The following ADD2 variants were observed in gnomAD, a reference collection of about 807,000 sequenced individuals.
ADD2 encodes the protein beta-adducin.
A neutral mutation model predicts 83.0 loss-of-function variants in ADD2; 23 were observed. The observed-to-expected ratio is 0.28, with a 90% CI of 0.20 to 0.39. ADD2 has a LOEUF of 0.39. Ranked by LOEUF, ADD2 falls within the 10% of genes least tolerant of loss-of-function variation. ADD2 has a pLI of 1.00. For synonymous variants in ADD2, 375 were observed against 375.4 expected (o/e 1.00, Z 0.01); for missense variants, 758 against 944.9 (o/e 0.80, Z 2.59).
intron 1 of ADD2, among the ~76,000 whole-genome samples, chr2:70,765,196 T>C (rs1553385767): frequency 6.6e-6 from 1 of 151,610 alleles, no homozygotes; most frequent in Non-Finnish European, 1.5e-5. Flanking sequence ...CTACTAAAAA[T>C]GCAAAAATTA....
chr2:70,703,165 G>GAAAGA (rs1671692288), intron 4 of ADD2, among the ~76,000 whole-genome samples: 1 of 134,558 alleles, frequency 7.4e-6, no homozygotes, highest in African/African-American at 2.7e-5. Context: ...GAAAAGAAAA[G>GAAAGA]AAAGAAAAGA....
intron 13 of ADD2, chr2:70,675,205 T>C (rs1553367983): frequency 3.9e-6 from 4 of 1,015,180 alleles, no homozygotes; most frequent in African/African-American, 1.7e-5. Context: ...AAGCATAGCA[T>C]TGGCTCAAGC....
intron 1 of ADD2, among the ~76,000 whole-genome samples, chr2:70,754,092 T>C (rs1477499810): frequency 2.0e-5 from 3 of 152,248 alleles, no homozygotes; most frequent in Middle Eastern, 3.4e-3. Flanking sequence ...AAACACAAGA[T>C]GCCTCAAGGG....
chr2:70,715,150 T>C (rs372197297), intron 1 of ADD2, among the ~76,000 whole-genome samples: 82 of 151,964 alleles, frequency 5.4e-4, no homozygotes, highest in African/African-American at 1.9e-3. Flanking sequence ...GATTGGGGAG[T>C]TGGGCTGAGC....
At chr2:70,702,714 C>T (rs1553373651) in intron 4 of ADD2, among the ~76,000 whole-genome samples, 1 of 143,992 alleles carries the variant, frequency 6.9e-6, no homozygotes, top group African/African-American at 2.7e-5. Flanking sequence ...AAAAAAAAAG[C>T]AATATATTTG....
intron 1 of ADD2, among the ~76,000 whole-genome samples, chr2:70,765,164 C>T (rs1574339214): frequency 6.6e-6 from 1 of 151,974 alleles, no homozygotes; most frequent in African/African-American, 2.4e-5. Context: ...ACCAGCCTGG[C>T]CAACATGGCG....
chr2:70,754,453 CTCTA>C (rs2104539715), intron 1 of ADD2, among the ~76,000 whole-genome samples: 1 of 152,118 alleles, frequency 6.6e-6, no homozygotes, highest in African/African-American at 2.4e-5. Context: ...CTATAGTCAC[CTCTA>C]TCTATTTCCA....
intron 10 of ADD2, among the ~76,000 whole-genome samples, chr2:70,683,321 C>G (rs1553369881): frequency 6.6e-6 from 1 of 152,156 alleles, no homozygotes; most frequent in East Asian, 1.9e-4. Flanking sequence ...GCCACTGCGC[C>G]CGGCCTGGAC....
At chr2:70,699,636 C>G (rs1256901611) in intron 4 of ADD2, among the ~76,000 whole-genome samples, 1 of 152,054 alleles carries the variant, frequency 6.6e-6, no homozygotes, top group Non-Finnish European at 1.5e-5. Context: ...TAAAATTGCC[C>G]AGGCATGGTG....
chr2:70,705,989 C>T (rs782586834), intron 3 of ADD2, among the ~76,000 whole-genome samples: 4 of 152,158 alleles, frequency 2.6e-5, no homozygotes, highest in African/African-American at 4.8e-5. Flanking sequence ...CTCCTGTCTC[C>T]GTCCCACCTC....
At chr2:70,741,568 T>G (rs143204094) in intron 1 of ADD2, among the ~76,000 whole-genome samples, 1 of 152,338 alleles carries the variant, frequency 6.6e-6, no homozygotes, top group East Asian at 1.9e-4. Flanking sequence ...CCCCACCACA[T>G]TCCAGGTCAG....
chr2:70,737,475 A>T (rs1673634476), intron 1 of ADD2, among the ~76,000 whole-genome samples: 1 of 151,380 alleles, frequency 6.6e-6, no homozygotes, highest in African/African-American at 2.4e-5. Context: ...TATCGCAAGG[A>T]CAAAAAACCA....
chr2:70,694,985 G>A (rs555935395), intron 6 of ADD2, among the ~76,000 whole-genome samples: 92 of 152,094 alleles, frequency 6.0e-4, no homozygotes, highest in African/African-American at 2.0e-3. Flanking sequence ...CCCTCCCTGG[G>A]CACCAGTTTC....
chr2:70,724,767 G>A (rs1259875564), intron 1 of ADD2, among the ~76,000 whole-genome samples: 1 of 152,252 alleles, frequency 6.6e-6, no homozygotes, highest in African/African-American at 2.4e-5. Flanking sequence ...CCACTCAGTG[G>A]TGAGGGAGAT....
intron 4 of ADD2, among the ~76,000 whole-genome samples, chr2:70,703,174 GA>G (rs1405805220): frequency 4.0e-5 from 6 of 148,432 alleles, no homozygotes; most frequent in African/African-American, 1.5e-4. Context: ...AGAAAGAAAA[GA>G]AAAAGGAAAG....
chr2:70,704,502 C>A (rs782132245), intron 3 of ADD2, 43 bp from the exon 4 acceptor site: 1 of 1,608,108 alleles, frequency 6.2e-7, no homozygotes, highest in East Asian at 2.2e-5. Context: ...CAGCCTCTCA[C>A]ACAGCTGCCC....
At chr2:70,668,745 G>C (rs142331194) in intron 15 of ADD2, among the ~76,000 whole-genome samples, 1 of 152,286 alleles carries the variant, frequency 6.6e-6, no homozygotes, top group Non-Finnish European at 1.5e-5. Flanking sequence ...AATTGAAGGA[G>C]CAAGGCTGCC....
intron 1 of ADD2, among the ~76,000 whole-genome samples, chr2:70,747,714 A>G (rs187570521): frequency 4.9e-4 from 75 of 152,256 alleles, no homozygotes; most frequent in African/African-American, 1.4e-3. Context: ...CCTTTTCTTT[A>G]TATCTTCTAC....
intron 1 of ADD2, among the ~76,000 whole-genome samples, chr2:70,741,099 T>A (rs989950338): frequency 6.6e-6 from 1 of 152,050 alleles, no homozygotes; most frequent in Admixed American, 6.6e-5. Flanking sequence ...GAGGATGATT[T>A]AAAAAAAGAA....
Sources: gnomAD v4.1 joint callset for allele counts (sites outside exome capture counted in the v4.1 genomes callset) on GRCh38, gnomAD v4.1.1 for gene constraint, MANE v1.5 for transcripts, NCBI Gene and HGNC (gene_info 2026-07-23, HGNC 2026-07-21) for gene names.